VEZT: variants seen among roughly 807,000 people sequenced by gnomAD.
VEZT encodes vezatin.
A neutral mutation model predicts 79.9 loss-of-function variants in VEZT; 39 were observed. The ratio of observed to expected loss-of-function variants is 0.49; its 90% CI spans 0.38 to 0.64. The LOEUF is 0.64. Among genes scored for constraint, VEZT ranks in the 30% least tolerant of loss-of-function variants. VEZT has a pLI of 0.00. For missense variants in VEZT, 837 were observed against 893.1 expected, an observed-to-expected ratio of 0.94 and a Z score of 0.80; for synonymous variants, 325 against 327.6, an observed-to-expected ratio of 0.99 and a Z score of 0.09.
At chr12:95,245,498 C>G (rs755870842) in intron 1 of VEZT, 10 of 456,114 alleles carry the variant, frequency 2.2e-5, no homozygotes, top group Non-Finnish European at 4.4e-5. Flanking sequence ...AAAAACTGTT[C>G]CTGTTTTGTT....
chr12:95,259,649 G>A (rs929464089), intron 3 of VEZT, among the ~76,000 whole-genome samples: 10 of 152,148 alleles, frequency 6.6e-5, no homozygotes, highest in African/African-American at 2.4e-4. Flanking sequence ...CACATCCCAG[G>A]AGCATAGAGC....
rs182720430 is a variant in VEZT, at chr12:95,244,660, T to G, written c.37-7280T>G. On this transcript the variant is annotated intron_variant, in intron 1 of 11. Transcript: ENST00000436874. ...TGGTGTGCAATGGTGTGATCTCAGT[T>G]CACTGTAACCTCTGCCTCCCAGGTT... Among the ~76,000 whole-genome samples, 563 of 151,730 alleles carry G rather than the reference T, an allele frequency of 3.7e-3. 1 individual carries two copies. The highest frequency in any genetic ancestry group is 0.012 in the African/African-American group (496 of 41,438).
intron 1 of VEZT, among the ~76,000 whole-genome samples, chr12:95,219,839 C>T (rs1196455892): frequency 6.6e-6 from 1 of 152,190 alleles, no homozygotes; most frequent in Non-Finnish European, 1.5e-5. Flanking sequence ...GCAAAAATAA[C>T]ATTCCATTGT....
chr12:95,295,707 C>A (rs2073992879), intron 10 of VEZT, among the ~76,000 whole-genome samples: 1 of 152,170 alleles, frequency 6.6e-6, no homozygotes. Flanking sequence ...CTGACCACCT[C>A]CCCAAAGTGC....
chr12:95,219,594 T>A (rs192886837), intron 1 of VEZT, among the ~76,000 whole-genome samples: 170 of 152,256 alleles, frequency 1.1e-3, no homozygotes, highest in African/African-American at 3.4e-3. Context: ...AACCTTTTTT[T>A]AAAAAAATAC....
intron 2 of VEZT, among the ~76,000 whole-genome samples, chr12:95,253,692 T>C (rs931179060): frequency 8.5e-5 from 13 of 152,256 alleles, no homozygotes; most frequent in African/African-American, 2.9e-4. Context: ...TTATGACAAG[T>C]ATTTTTATAT....
chr12:95,252,114 T>G (rs755715193), intron 2 of VEZT, 43 bp downstream of exon 2: 2 of 1,578,054 alleles, frequency 1.3e-6, no homozygotes, highest in Admixed American at 1.9e-5. Context: ...TCTTTTGCAC[T>G]TTACCTTACT....
intron 6 of VEZT, among the ~76,000 whole-genome samples, chr12:95,270,813 C>T (rs1385503346): frequency 2.0e-5 from 3 of 152,110 alleles, no homozygotes; most frequent in Non-Finnish European, 4.4e-5. Context: ...ATAAGTCTGT[C>T]ACTTAAATTT....
intron 9 of VEZT, 66 bp from the exon 10 acceptor site, chr12:95,294,206 G>T (rs2073645875): frequency 2.9e-6 from 4 of 1,359,352 alleles, no homozygotes; most frequent in Non-Finnish European, 4.1e-6. Flanking sequence ...TTTTTAATTA[G>T]ATGTTCACTC....
At position 95,282,545 on chromosome 12, in the gene VEZT, C is replaced by T. The variant is rs775212822; in HGVS notation, c.1229C>T (p.Pro410Leu). The change falls in exon 8 of 12, where the codon CCG becomes CTG. Residue 410 changes from proline to leucine, a missense_variant. Physicochemically the swap from Pro to Leu is moderately conservative, Grantham distance 98 (BLOSUM62 -3). Transcript: ENST00000436874. The stretch of plus-strand genomic sequence containing the variant: ...TTTGAAACTCAGCACCAGTCAGTAC[C>T]GCAGTGTTTATCCAAAACTCAACAG... ...RYFETQHQSV[P>L]QCLSKTQQKS... is the part of the protein sequence containing the mutation. 2.5e-6 allele frequency: 4 copies of T among 1,613,932 alleles called. No individual in the cohort carries two copies. Among genetic ancestry groups the T allele is most frequent in the Admixed American group, 1.7e-5 (1 of 60,020 alleles).
In VEZT at chr12:95,256,553, C is replaced by A. The variant is rs1027427147; in HGVS notation, c.169-597C>A. On this transcript the variant is annotated intron_variant, in intron 2 of 11. Coordinates refer to ENST00000436874, the MANE Select transcript of VEZT (RefSeq NM_017599.4). ...TTTTTCCCATGACCCTTTGCAGTAC[C>A]TGGGATATAGTAATCACTCAATGAA... The A allele has an allele frequency of 1.3e-5, 17 of 1,285,772 alleles. No individual in the cohort carries two copies. In the Admixed American group the frequency reaches 3.7e-4, roughly 28 times the overall value. 79.6% of individuals were successfully genotyped at this position (1,285,772 alleles called of 1,614,324 possible).
intron 10 of VEZT, 26 bp from the exon 11 acceptor site, chr12:95,296,025 G>C (rs1452751057): frequency 1.4e-6 from 2 of 1,478,410 alleles, no homozygotes; most frequent in Non-Finnish European, 1.8e-6. Context: ...TTCAAGTAAA[G>C]TGCTTTTTCT....
intron 7 of VEZT, among the ~76,000 whole-genome samples, chr12:95,277,684 C>T (rs980303175): frequency 2.0e-5 from 3 of 152,086 alleles, no homozygotes; most frequent in African/African-American, 7.2e-5. Flanking sequence ...TAGCCATTTG[C>T]CTTTGAATAA....
In VEZT at chr12:95,300,487, A is replaced by G; in HGVS notation, c.2154A>G (p.Leu718=). ...CCCCTCCAACTCCCAGGGACTCATT[A>G]CAGCCCTCCATTAAGCAGAGGCTGG... ...TTAPPTPRDS[L]QPSIKQRLAR... is the part of the protein sequence containing the mutation. Residue 718 remains leucine, a synonymous_variant, in exon 12 of 12, where the codon TTA becomes TTG. Coordinates refer to ENST00000436874, the MANE Select transcript of VEZT (RefSeq NM_017599.4). 3.7e-6 allele frequency: 6 copies of G among 1,613,998 alleles called. No individual in the cohort carries two copies. Among genetic ancestry groups the G allele is most frequent in the Non-Finnish European group, 5.1e-6 (6 of 1,179,882 alleles).
intron 4 of VEZT, among the ~76,000 whole-genome samples, chr12:95,266,009 T>C (rs1276279455): frequency 3.3e-5 from 5 of 152,178 alleles, no homozygotes; most frequent in Non-Finnish European, 7.4e-5. Context: ...GTAGGAAATG[T>C]AGAGGCCTTT....
At chr12:95,269,978 G>T in intron 5 of VEZT, 73 bp from the exon 6 acceptor site, 1 of 1,512,682 alleles carries the variant, frequency 6.6e-7, no homozygotes, top group Non-Finnish European at 8.9e-7. Flanking sequence ...ATAGAATTGT[G>T]GATTTAGGAA....
intron 1 of VEZT, among the ~76,000 whole-genome samples, chr12:95,230,782 CATTT>C (rs144132944): frequency 0.083 from 12,655 of 152,198 alleles, 553 homozygotes; most frequent in Middle Eastern, 0.12. Context: ...GCTCTGCATT[CATTT>C]AAGTGACCGA....
intron 1 of VEZT, among the ~76,000 whole-genome samples, chr12:95,237,830 C>T (rs1288072854): frequency 6.6e-6 from 1 of 152,138 alleles, no homozygotes; most frequent in Non-Finnish European, 1.5e-5. Context: ...AGAGCTCTCC[C>T]TGAAGGATGA....
At chr12:95,267,121 T>A (rs187285758) in intron 5 of VEZT, among the ~76,000 whole-genome samples, 1 of 152,354 alleles carries the variant, frequency 6.6e-6, no homozygotes, top group Non-Finnish European at 1.5e-5. Context: ...CAAATAGTGA[T>A]GTTTTCCATT....
Sources: allele counts gnomAD v4.1 joint callset (sites outside exome capture counted in the v4.1 genomes callset), GRCh38; gene constraint gnomAD v4.1.1; transcripts MANE v1.5; gene names NCBI Gene and HGNC (gene_info 2026-07-23, HGNC 2026-07-21).